CARD10: variants seen among roughly 807,000 people sequenced by gnomAD.
CARD10 encodes the protein caspase recruitment domain-containing protein 10.
Under a neutral mutation model 114.6 loss-of-function variants are expected in CARD10, and 49 were observed. The observed-to-expected ratio is 0.43, with a 90% confidence interval of 0.34 to 0.54. The LOEUF (loss-of-function observed/expected upper bound fraction) is 0.54, where lower values mean the gene tolerates loss of function less well. Among genes scored for constraint, CARD10 ranks in the 20% least tolerant of loss-of-function variants. CARD10 has a pLI of 0.03. For missense variants in CARD10, 1,206 were observed against 1,397.2 expected (o/e 0.86, Z 2.18); for synonymous variants, 602 against 593.2 (o/e 1.01, Z -0.21).
In CARD10 at chr22:37,492,784, C is replaced by G. The variant is rs1922852306; in HGVS notation, c.2495G>C (p.Arg832Thr). Residue 832 changes from arginine to threonine, a missense_variant, in exon 17 of 20, where the codon AGA (arginine) becomes ACA (threonine). Physicochemically the swap from Arg to Thr is moderately conservative, Grantham distance 71 (BLOSUM62 -1). Around this residue, in one of 2 missense-constraint regions of CARD10, gnomAD observed 1,068 missense variants for 1,179.1 expected, o/e 0.91. Transcript: ENST00000251973. This position sits in a 1 kb window ranked among gnomAD's most constrained non-coding sequence, Gnocchi z 5.7. ...TAGCGGCCGCACCAAACTGTAGGGT[C>G]TGAGGCTCCGCTCCGGCTCTGTGGC... ...EPCAEPERSLRPYSLVRPLLV... is the reference protein window; with the variant it reads ...EPCAEPERSLTPYSLVRPLLV... The G allele has an allele frequency of 6.2e-7, 1 of 1,612,284 alleles. No individual in the cohort carries two copies. Among genetic ancestry groups the G allele is most frequent in the Non-Finnish European group, 8.5e-7 (1 of 1,179,792 alleles).
chr22:37,514,333 G>A (rs1312970303), intron 3 of CARD10, among the ~76,000 whole-genome samples: 1 of 152,040 alleles, frequency 6.6e-6, no homozygotes, highest in African/African-American at 2.4e-5. Flanking sequence ...CTGTGATGAG[G>A]ATGAGGAAAC....
At chr22:37,512,578 G>A (rs979801962) in intron 3 of CARD10, among the ~76,000 whole-genome samples, 7 of 150,618 alleles carry the variant, frequency 4.6e-5, no homozygotes, top group South Asian at 2.1e-4. Flanking sequence ...CTCCTCCTCC[G>A]CAAGAGACTC....
In CARD10 at chr22:37,519,222, G is replaced by C. The variant is rs1216193306; in HGVS notation, c.-22C>G. ...GCATGGCCGTGTCCTCAGGGTCTGC[G>C]GGCAAGAGGCGCACGGGGGTCGACC... On this transcript the variant is annotated 5_prime_UTR_variant, in exon 1 of 20. Transcript: ENST00000251973. This position sits in a 1 kb window ranked among gnomAD's most constrained non-coding sequence, Gnocchi z 4.1. 3 of 1,490,436 alleles carry C rather than the reference G, an allele frequency of 2.0e-6. No individual in the cohort carries two copies. The highest frequency in any genetic ancestry group is 2.7e-6 in the Non-Finnish European group (3 of 1,122,488). 92.3% of individuals were successfully genotyped at this position (1,490,436 alleles called of 1,614,324 possible). A position where few individuals can be genotyped will look rare whatever the true frequency, so the allele number is the denominator to read the frequency against.
At chr22:37,513,944 CAA>C (rs373883936) in intron 3 of CARD10, among the ~76,000 whole-genome samples, 5 of 148,504 alleles carry the variant, frequency 3.4e-5, no homozygotes, top group Non-Finnish European at 7.5e-5. Flanking sequence ...ACTAAAAATA[CAA>C]AAAAAAAATT....
intron 7 of CARD10, among the ~76,000 whole-genome samples, chr22:37,505,806 G>A (rs1419821474): frequency 6.6e-6 from 1 of 152,148 alleles, no homozygotes; most frequent in East Asian, 1.9e-4. Flanking sequence ...AGACCAGCTG[G>A]TCTCTGAGGG....
chr22:37,508,967 A>C, intron 4 of CARD10: 1 of 1,544,494 alleles, frequency 6.5e-7, no homozygotes, highest in Non-Finnish European at 8.7e-7. Context: ...TTATTCCTAA[A>C]CAAGCACCAG....
chr22:37,513,205 G>C (rs187824734), intron 3 of CARD10, among the ~76,000 whole-genome samples: 191 of 152,090 alleles, frequency 1.3e-3, no homozygotes, highest in Non-Finnish European at 2.2e-3. Context: ...CCACCTCCCG[G>C]GTTCAAGCAA....
At position 37,491,389 on chromosome 22, in the gene CARD10, G is replaced by C; in HGVS notation, c.2869C>G (p.Leu957Val). The C allele has an allele frequency of 1.3e-6, 2 of 1,484,464 alleles. No individual in the cohort carries two copies. The highest frequency in any genetic ancestry group is 1.3e-5 in the South Asian group (1 of 75,146). The allele number at this position is 1,484,464 out of a possible 1,614,324, so 92.0% of individuals were successfully genotyped here. A position where few individuals can be genotyped will look rare whatever the true frequency, so the allele number is the denominator to read the frequency against. Residue 957 changes from leucine to valine, a missense_variant, in exon 20 of 20, where the codon CTG becomes GTG. Physicochemically the swap from Leu to Val is conservative, Grantham distance 32. This residue lies in a region of CARD10 where 1,068 missense variants were observed against 1,179.1 expected (regional missense o/e 0.91). Transcript: ENST00000251973. ...TEKNVREVRG[L>V]LGRPGWRDSE... Reference sequence around the variant, plus strand: ...TCCCGCCAGCCCGGCCGGCCCAGCAGACCCCTGCCGAGAGAAGAGTGAGCA... The same window carrying C: ...TCCCGCCAGCCCGGCCGGCCCAGCACACCCCTGCCGAGAGAAGAGTGAGCA...
intron 1 of CARD10, 93 bp downstream of exon 1, chr22:37,518,873 G>C: frequency 7.2e-7 from 1 of 1,388,180 alleles, no homozygotes. Context: ...CCCCAGGGCA[G>C]CAGAGCCCTA....
chr22:37,504,150 T>G, intron 9 of CARD10, 36 bp downstream of exon 9: 1 of 1,442,924 alleles, frequency 6.9e-7, no homozygotes. Flanking sequence ...CAGCCCCACC[T>G]CCCTGGGTGT....
intron 3 of CARD10, chr22:37,514,683 T>C (rs987495542): frequency 1.3e-5 from 2 of 152,320 alleles, no homozygotes; most frequent in Non-Finnish European, 2.9e-5. Flanking sequence ...CCTGCAATGC[T>C]GTAGCCACGG....
intron 11 of CARD10, among the ~76,000 whole-genome samples, chr22:37,497,416 C>A (rs115484390): frequency 1.3e-5 from 2 of 152,314 alleles, no homozygotes; most frequent in African/African-American, 4.8e-5. Context: ...TGCAGTGGAG[C>A]CTGCGTGCCA....
chr22:37,508,094 G>C, intron 5 of CARD10, 140 bp from the exon 6 acceptor site: 3 of 988,282 alleles, frequency 3.0e-6, no homozygotes, highest in Admixed American at 2.2e-5. Flanking sequence ...GCCCAGTGGA[G>C]TGGTCTGAGC....
rs1265162481 is a variant in CARD10 at position 37,504,254 on chromosome 22, C to T, written c.1566G>A (p.Leu522=). ...TGGAGCCGGCACTGGGGGGGAAGGGCAGGATGGAGAGCCGATTGATCTCCT... is the reference window on the plus strand; with the variant it reads ...TGGAGCCGGCACTGGGGGGGAAGGGTAGGATGGAGAGCCGATTGATCTCCT... ...SEKEINRLSI[L]PFPPSAGSIL... is the part of the protein sequence containing the mutation. The change falls in exon 9 of 20, where the codon CTG becomes CTA. Residue 522 remains leucine (L), a synonymous_variant. Transcript: ENST00000251973. 2.5e-6 allele frequency: 4 copies of T among 1,579,966 alleles called. No homozygotes were observed. The highest frequency in any genetic ancestry group is 1.8e-5 in the Admixed American group (1 of 55,250).
chr22:37,516,851 C>T (rs1166951992), intron 2 of CARD10, among the ~76,000 whole-genome samples: 1 of 152,146 alleles, frequency 6.6e-6, no homozygotes, highest in Non-Finnish European at 1.5e-5. Context: ...AACTGAAGCA[C>T]AGAGCAGTTA....
Position 37,490,787 on chromosome 22 carries a change from A to C in CARD10, c.*372T>G. ...CCTCAGGAGACCTCGTGCCCAGGGC[A>C]GCGGGACAGACCTGAGCCTGCCCAT... On this transcript the variant is annotated 3_prime_UTR_variant, in exon 20 of 20. Coordinates refer to ENST00000251973, the MANE Select transcript of CARD10 (RefSeq NM_014550.4). The C allele has an allele frequency of 4.6e-6, 1 of 216,584 alleles. No individual in the cohort carries two copies. 13.4% of individuals were successfully genotyped at this position (216,584 alleles called of 1,614,324 possible).
chr22:37,491,915 A>G, intron 18 of CARD10, 48 bp from the exon 19 acceptor site: 1 of 1,305,618 alleles, frequency 7.7e-7, no homozygotes, highest in Non-Finnish European at 1.1e-6. Context: ...CACAGACATC[A>G]GCCTCCCATG....
intron 15 of CARD10, among the ~76,000 whole-genome samples, chr22:37,495,215 C>G (rs1488084109): frequency 6.6e-6 from 1 of 152,228 alleles, no homozygotes; most frequent in Non-Finnish European, 1.5e-5. Flanking sequence ...ATCCGCCCAC[C>G]TCGGCCTCCC....
At chr22:37,494,852 T>C (rs1316496490) in intron 15 of CARD10, among the ~76,000 whole-genome samples, 3 of 152,214 alleles carry the variant, frequency 2.0e-5, no homozygotes, top group Non-Finnish European at 4.4e-5. Context: ...CCCTCGCTCT[T>C]CCTTTATCTG....
Sources: allele counts gnomAD v4.1 joint callset (sites outside exome capture counted in the v4.1 genomes callset), GRCh38; gene constraint gnomAD v4.1.1; regional missense constraint gnomAD v4.1.1; non-coding constraint Gnocchi (gnomAD v3.1); transcripts MANE v1.5; gene names NCBI Gene and HGNC (gene_info 2026-07-23, HGNC 2026-07-21).